The following PCDHAC1 variants were observed in gnomAD, a reference collection of about 807,000 sequenced individuals.
PCDHAC1 encodes protocadherin alpha-C1.
A neutral mutation model predicts 60.0 loss-of-function variants in PCDHAC1; 42 were observed. The observed-to-expected ratio is 0.70, with a 90% CI of 0.55 to 0.90. The LOEUF (loss-of-function observed/expected upper bound fraction) is 0.90, where lower values mean the gene tolerates loss of function less well. PCDHAC1 is among the 40% of genes least tolerant of loss of function. The probability of loss-of-function intolerance (pLI) is 0.00; values close to 1 mark genes in which losing one functional copy is unlikely to be tolerated. For missense variants in PCDHAC1, 1,160 were observed against 1,222.3 expected (o/e 0.95, Z 0.76); for synonymous variants, 468 against 499.3 (o/e 0.94, Z 0.84).
At position 141,012,035 on chromosome 5, in the gene PCDHAC1, G is replaced by A. The variant is rs908623831; in HGVS notation, c.*2098G>A. The A allele has an allele frequency of 1.3e-5, 2 of 153,684 alleles. No individual in the cohort carries two copies. The highest frequency in any genetic ancestry group is 2.9e-5 in the Non-Finnish European group (2 of 68,026). The allele number at this position is 153,684 out of a possible 1,614,324, so 9.5% of individuals were successfully genotyped here. A position where few individuals can be genotyped will look rare whatever the true frequency, so the allele number is the denominator to read the frequency against. On this transcript the variant is annotated 3_prime_UTR_variant, in exon 4 of 4. Coordinates refer to ENST00000253807, the MANE Select transcript of PCDHAC1 (RefSeq NM_018898.5). The stretch of plus-strand genomic sequence containing the variant: ...TGTGTAACTTCAGCTCTGCAGGATT[G>A]CATGGGGTAAAACTTGTTACCAACA...
rs1554206636 is a variant in PCDHAC1, at chr5:140,929,056, A to G, written c.2164A>G (p.Thr722Ala). The G allele has an allele frequency of 1.2e-6, 2 of 1,614,064 alleles. No individual in the cohort carries two copies. Among genetic ancestry groups the G allele is most frequent in the Non-Finnish European group, 1.7e-6 (2 of 1,180,034 alleles). The change falls in exon 1 of 4, where the codon ACA becomes GCA. Residue 722 changes from threonine to alanine, a missense_variant. Thr to Ala is a moderately conservative substitution (Grantham distance 58). This residue lies in a region of PCDHAC1 where 1,113 missense variants were observed against 1,163.7 expected (regional missense o/e 0.96). Transcript: ENST00000253807. ...TTGCGCTCAGAGCTGCTGTCGCTCTACAGAGGATCTGAGGTATGGAAGTAA... is the reference window on the plus strand; with the variant it reads ...TTGCGCTCAGAGCTGCTGTCGCTCTGCAGAGGATCTGAGGTATGGAAGTAA... ...GCCAQSCCRS[T>A]EDLRYGSKMV... is the part of the protein sequence containing the mutation.
rs901766941 is a variant in PCDHAC1 at position 140,982,266 on chromosome 5, G to A, written c.2493-209G>A. The A allele has an allele frequency of 6.1e-5, 54 of 879,038 alleles. No homozygotes were observed. In the African/African-American group the frequency reaches 7.6e-4, roughly 12 times the overall value. The allele number at this position is 879,038 out of a possible 1,614,324, so 54.5% of individuals were successfully genotyped here. ...TAAAGATAGAACATGTGTGTTCCTG[G>A]AATAGTATAGCAGGCAATAAGTAAG... On this transcript the variant is annotated intron_variant, in intron 2 of 3. Coordinates refer to ENST00000253807, the MANE Select transcript of PCDHAC1 (RefSeq NM_018898.5).
chr5:140,948,528 T>C (rs1234543318), intron 1 of PCDHAC1, among the ~76,000 whole-genome samples: 1 of 151,686 alleles, frequency 6.6e-6, no homozygotes, highest in Non-Finnish European at 1.5e-5. Context: ...ACTATTTATA[T>C]TTTATTTCAT....
At chr5:140,999,554 G>T (rs2097862771) in intron 3 of PCDHAC1, among the ~76,000 whole-genome samples, 1 of 152,158 alleles carries the variant, frequency 6.6e-6, no homozygotes, top group Non-Finnish European at 1.5e-5. Context: ...TGAAGAGGGG[G>T]TATTTTGAGA....
In PCDHAC1 at chr5:140,928,219, C is replaced by T. The variant is rs2153594773; in HGVS notation, c.1327C>T (p.Pro443Ser). The part of the protein sequence containing the change: ...VSVADVNDNT[P>S]NFPQPQQELF... The stretch of plus-strand genomic sequence containing the variant: ...AGTTGCTGATGTGAATGACAATACA[C>T]CAAACTTTCCTCAACCCCAGCAGGA... Residue 443 changes from proline (P) to serine (S), a missense_variant, in exon 1 of 4, where the codon CCA (proline) becomes TCA (serine). This residue lies in a region of PCDHAC1 where 1,113 missense variants were observed against 1,163.7 expected (regional missense o/e 0.96). Coordinates refer to ENST00000253807, the MANE Select transcript of PCDHAC1 (RefSeq NM_018898.5). The T allele has an allele frequency of 6.2e-7, 1 of 1,614,166 alleles. No individual in the cohort carries two copies. The highest frequency in any genetic ancestry group is 1.3e-5 in the African/African-American group (1 of 75,050).
At chr5:140,966,490 T>G (rs533525977) in intron 1 of PCDHAC1, 2 of 437,964 alleles carry the variant, frequency 4.6e-6, no homozygotes, top group Non-Finnish European at 7.9e-6. Flanking sequence ...TCCCTCCCCC[T>G]GGAGCTGTAG....
chr5:140,999,027 T>A (rs2097843534), intron 3 of PCDHAC1, among the ~76,000 whole-genome samples: 1 of 152,262 alleles, frequency 6.6e-6, no homozygotes, highest in Admixed American at 6.5e-5. Flanking sequence ...AGACTTTTGA[T>A]ACTTCGTCCA....
In PCDHAC1 at chr5:141,011,088, T is replaced by TTCTC. The variant is rs375099849; in HGVS notation, c.*1165_*1168dup. 6.6e-6 allele frequency: 1 copy of TTCTC among 152,032 alleles called. No homozygotes were observed. Among genetic ancestry groups the TTCTC allele is most frequent in the Non-Finnish European group, 1.5e-5 (1 of 67,462 alleles). 9.4% of individuals were successfully genotyped at this position (152,032 alleles called of 1,614,324 possible). A position where few individuals can be genotyped will look rare whatever the true frequency, so the allele number is the denominator to read the frequency against. On this transcript the variant is annotated 3_prime_UTR_variant, in exon 4 of 4. Transcript: ENST00000253807. The stretch of plus-strand genomic sequence containing the variant: ...TATTACTAAATAAAATGATCTCTCT[T>TTCTC]TCTCTCTCTCTCTCTCTTTTCTAAG...
At chr5:140,937,546 G>A (rs1584916949) in intron 1 of PCDHAC1, among the ~76,000 whole-genome samples, 1 of 152,050 alleles carries the variant, frequency 6.6e-6, no homozygotes, top group Non-Finnish European at 1.5e-5. Flanking sequence ...GAACCTGCGA[G>A]GCAGAGGTTG....
rs1188351170 is a variant in PCDHAC1, at chr5:140,929,610, T to C, written c.2433+285T>C. 7.3e-6 allele frequency: 3 copies of C among 408,442 alleles called. No individual in the cohort carries two copies. The South Asian group carries it at 4.1e-4, about 55-fold the overall frequency. 25.3% of individuals were successfully genotyped at this position (408,442 alleles called of 1,614,324 possible). On this transcript the variant is annotated intron_variant, in intron 1 of 3. Transcript: ENST00000253807. ...TAAAGGTCTAAAATTAAAAATAAAA[T>C]ACCAAAATATTTTATAAGCAACAGA...
chr5:140,946,080 A>T lies in PCDHAC1; in HGVS notation c.2433+16755A>T, dbSNP rs74501731. ...GGGAGAAAATATTTGCAAACCACAG[A>T]TCTGATAAGGAGTTAACATACCAAA... On this transcript the variant is annotated intron_variant, in intron 1 of 3. Coordinates refer to ENST00000253807, the MANE Select transcript of PCDHAC1 (RefSeq NM_018898.5). Among the ~76,000 whole-genome samples, 867 of 152,226 alleles carry T rather than the reference A, an allele frequency of 5.7e-3. 6 individuals carry two copies. Among genetic ancestry groups the T allele is most frequent in the African/African-American group, 0.02 (843 of 41,572 alleles).
At chr5:140,934,129 T>G (rs150501213) in intron 1 of PCDHAC1, among the ~76,000 whole-genome samples, 326 of 152,294 alleles carry the variant, frequency 2.1e-3, no homozygotes, top group African/African-American at 7.4e-3. Context: ...CTTTATTAAT[T>G]TATTTCCTTC....
At chr5:140,951,672 T>C (rs1242247980) in intron 1 of PCDHAC1, among the ~76,000 whole-genome samples, 1 of 152,114 alleles carries the variant, frequency 6.6e-6, no homozygotes, top group Non-Finnish European at 1.5e-5. Flanking sequence ...GCCTACAAAA[T>C]TGGGGATTAC....
intron 1 of PCDHAC1, among the ~76,000 whole-genome samples, chr5:140,951,224 A>G (rs539647356): frequency 3.2e-4 from 49 of 151,938 alleles, no homozygotes; most frequent in Non-Finnish European, 6.9e-4. Context: ...TGGATTCTTG[A>G]TGGTCTTTAC....
At chr5:140,968,580 C>T (rs782395602) in intron 1 of PCDHAC1, 1 of 1,614,218 alleles carries the variant, frequency 6.2e-7, no homozygotes, top group Admixed American at 1.7e-5. Context: ...TACCTGGTCA[C>T]CAAAGTCATA....
In PCDHAC1 at chr5:141,012,312, C is replaced by CTGT; in HGVS notation, c.*2377_*2379dup. On this transcript the variant is annotated 3_prime_UTR_variant, in exon 4 of 4. Transcript: ENST00000253807. ...TGAATTGGTGCTATTGGTATTTCCT[C>CTGT]TGTTATTGCTAATAAATGAAAATGG... The CTGT allele has an allele frequency of 6.5e-6, 1 of 153,698 alleles. No individual in the cohort carries two copies. Among genetic ancestry groups the CTGT allele is most frequent in the Middle Eastern group, 3.2e-3 (1 of 316 alleles). 9.5% of individuals were successfully genotyped at this position (153,698 alleles called of 1,614,324 possible).
At chr5:140,987,635 G>A (rs2097262928) in intron 3 of PCDHAC1, among the ~76,000 whole-genome samples, 3 of 152,176 alleles carry the variant, frequency 2.0e-5, no homozygotes, top group Non-Finnish European at 4.4e-5. Context: ...ATGAGATAAT[G>A]CACACATATT....
At chr5:140,994,657 A>G (rs2097643468) in intron 3 of PCDHAC1, among the ~76,000 whole-genome samples, 1 of 152,166 alleles carries the variant, frequency 6.6e-6, no homozygotes, top group Non-Finnish European at 1.5e-5. Flanking sequence ...GTGAGCTGAG[A>G]TCACACTACT....
intron 1 of PCDHAC1, among the ~76,000 whole-genome samples, chr5:140,938,194 C>T (rs782229712): frequency 5.9e-5 from 9 of 152,206 alleles, no homozygotes; most frequent in South Asian, 2.1e-4. Context: ...AATCCTCCCA[C>T]GCCAGCCTCC....
Sources: allele counts gnomAD v4.1 joint callset (sites outside exome capture counted in the v4.1 genomes callset), GRCh38; gene constraint gnomAD v4.1.1; regional missense constraint gnomAD v4.1.1; transcripts MANE v1.5; gene names NCBI Gene and HGNC (gene_info 2026-07-23, HGNC 2026-07-21).